GREB1L: variants seen among roughly 807,000 people sequenced by gnomAD.
GREB1L encodes GREB1-like protein.
In GREB1L, 17 loss-of-function variants were observed where a neutral mutation model predicts 200.8. That is an observed-to-expected ratio of 0.08 (90% CI 0.06 to 0.13). GREB1L has a LOEUF of 0.13. Ranked by LOEUF, GREB1L falls within the 10% of genes least tolerant of loss-of-function variation. The pLI is 1.00. For missense variants in GREB1L, 1,657 were observed against 2,367.7 expected (o/e 0.70, Z 6.23); for synonymous variants, 789 against 893.0 (o/e 0.88, Z 2.08).
At chr18:21,268,595 A>G (rs1241370664) in intron 1 of GREB1L, among the ~76,000 whole-genome samples, 1 of 118,090 alleles carries the variant, frequency 8.5e-6, no homozygotes, top group Admixed American at 8.7e-5. Flanking sequence ...ATATATATAC[A>G]TGTATATATA....
At chr18:21,312,566 A>T (rs1335987440) in intron 1 of GREB1L, among the ~76,000 whole-genome samples, 3 of 148,552 alleles carry the variant, frequency 2.0e-5, no homozygotes, top group Non-Finnish European at 3.0e-5. Flanking sequence ...TTATTTATTT[A>T]TTTTTTGAGA....
At chr18:21,291,712 C>A (rs896572004) in intron 1 of GREB1L, among the ~76,000 whole-genome samples, 1 of 152,152 alleles carries the variant, frequency 6.6e-6, no homozygotes, top group African/African-American at 2.4e-5. Context: ...CCCAAGACTT[C>A]CTTATAAGGT....
At chr18:21,480,219 C>A (rs1200051265) in intron 17 of GREB1L, among the ~76,000 whole-genome samples, 2 of 152,232 alleles carry the variant, frequency 1.3e-5, no homozygotes, top group Admixed American at 1.3e-4. Context: ...GGTGTGGTGG[C>A]AGGCACCTGT....
At chr18:21,519,892 A>G (rs1187344510) in intron 31 of GREB1L, among the ~76,000 whole-genome samples, 1 of 151,644 alleles carries the variant, frequency 6.6e-6, no homozygotes, top group African/African-American at 2.4e-5. Context: ...CAGAAGCCAG[A>G]TAGAACCAAA....
Position 21,523,783 on chromosome 18 carries a change from A to G in GREB1L, c.*962A>G, listed in dbSNP as rs2037641569. On this transcript the variant is annotated 3_prime_UTR_variant, in exon 33 of 33. Coordinates refer to ENST00000424526, the MANE Select transcript of GREB1L (RefSeq NM_001142966.3). The stretch of plus-strand genomic sequence containing the variant: ...AAGCTTCCTTTAAAAGATGCACTAA[A>G]TATTACCACCTTACACTGACAACGC... 2 of 152,214 alleles carry G rather than the reference A, an allele frequency of 1.3e-5. No homozygotes were observed. Among genetic ancestry groups the G allele is most frequent in the Admixed American group, 1.3e-4 (2 of 15,282 alleles). The allele number at this position is 152,214 out of a possible 1,614,324, so 9.4% of individuals were successfully genotyped here.
intron 1 of GREB1L, among the ~76,000 whole-genome samples, chr18:21,328,959 G>A (rs149073221): frequency 6.6e-6 from 1 of 152,244 alleles, no homozygotes; most frequent in African/African-American, 2.4e-5. Flanking sequence ...TTGAAATGTG[G>A]GGGAGCTGGG....
At position 21,441,025 on chromosome 18, in the gene GREB1L, A is replaced by G. The variant is rs138121419; in HGVS notation, c.1070-375A>G. ...TGCTTGTAGGTAGTACTGGTTAATG[A>G]TGAGTTCATCCTTCTTCACACTTTT... On this transcript the variant is annotated intron_variant, in intron 9 of 32. Transcript: ENST00000424526. Among the ~76,000 whole-genome samples the G allele has an allele frequency of 1.1e-4, 17 of 152,348 alleles. No homozygotes were observed. In the East Asian group the frequency reaches 3.3e-3, roughly 29 times the overall value.
At chr18:21,488,461 A>AT (rs2036209047) in intron 18 of GREB1L, among the ~76,000 whole-genome samples, 1 of 152,094 alleles carries the variant, frequency 6.6e-6, no homozygotes, top group Non-Finnish European at 1.5e-5. Context: ...CACTTGTTGT[A>AT]TTTTAAGTAG....
Position 21,522,942 on chromosome 18 carries a change from T to G in GREB1L, c.*121T>G, listed in dbSNP as rs1380606137. ...TGGAGCAAAGTGCAACATATTTGTC[T>G]AAATTCTCCAAAGAACTCCCCAAAT... is the stretch of plus-strand genomic sequence containing the variant. On this transcript the variant is annotated 3_prime_UTR_variant, in exon 33 of 33. Coordinates refer to ENST00000424526, the MANE Select transcript of GREB1L (RefSeq NM_001142966.3). The G allele has an allele frequency of 6.5e-6, 6 of 919,888 alleles. No homozygotes were observed. The highest frequency in any genetic ancestry group is 9.4e-6 in the Non-Finnish European group (6 of 636,054). 57.0% of individuals were successfully genotyped at this position (919,888 alleles called of 1,614,324 possible). A position where few individuals can be genotyped will look rare whatever the true frequency, so the allele number is the denominator to read the frequency against.
chr18:21,382,769 G>A (rs1413195465), intron 2 of GREB1L, among the ~76,000 whole-genome samples: 1 of 152,064 alleles, frequency 6.6e-6, no homozygotes, highest in Non-Finnish European at 1.5e-5. Context: ...TTACAGGCAT[G>A]AGCCACTATG....
At chr18:21,420,513 A>C (rs961674497) in intron 7 of GREB1L, among the ~76,000 whole-genome samples, 25 of 152,236 alleles carry the variant, frequency 1.6e-4, no homozygotes, top group Non-Finnish European at 5.9e-5. Flanking sequence ...GAGAAAAGTT[A>C]TATGGGTGGC....
chr18:21,459,279 C>CTTTTTTTTTTTTTTTTTTTTTTTTTA (rs746568414), intron 15 of GREB1L, among the ~76,000 whole-genome samples: 2 of 85,918 alleles, frequency 2.3e-5, no homozygotes, highest in Admixed American at 1.6e-4. Flanking sequence ...TTTTTCTTTA[C>CTTTTTTTTTTTTTTTTTTTTTTTTTA]TTTTTTTTTT....
chr18:21,401,122 T>TTAG (rs1240705911), intron 5 of GREB1L, 28 bp from the exon 6 acceptor site: 8 of 1,525,854 alleles, frequency 5.2e-6, no homozygotes, highest in African/African-American at 1.4e-5. Context: ...TACAAGGCCA[T>TTAG]TAGTAACATT....
intron 1 of GREB1L, among the ~76,000 whole-genome samples, chr18:21,341,062 A>G (rs937007549): frequency 5.9e-5 from 9 of 152,228 alleles, no homozygotes; most frequent in African/African-American, 2.2e-4. Flanking sequence ...ATGATTATGA[A>G]GTAGTGAAGC....
At chr18:21,273,032 G>A (rs1247896447) in intron 1 of GREB1L, among the ~76,000 whole-genome samples, 1 of 152,182 alleles carries the variant, frequency 6.6e-6, no homozygotes, top group Non-Finnish European at 1.5e-5. Flanking sequence ...TTTGAGACCA[G>A]CATGGCCAAC....
At chr18:21,318,885 A>C (rs1194899109) in intron 1 of GREB1L, among the ~76,000 whole-genome samples, 1 of 152,184 alleles carries the variant, frequency 6.6e-6, no homozygotes, top group African/African-American at 2.4e-5. Flanking sequence ...AGTCATCCTG[A>C]AACACTGGTG....
At chr18:21,348,732 A>G (rs893807476) in intron 1 of GREB1L, among the ~76,000 whole-genome samples, 6 of 151,976 alleles carry the variant, frequency 3.9e-5, no homozygotes, top group Admixed American at 3.9e-4. Flanking sequence ...CTGAGATCGC[A>G]CCATTGCACT....
At chr18:21,263,482 A>C (rs1337060111) in intron 1 of GREB1L, among the ~76,000 whole-genome samples, 1 of 152,190 alleles carries the variant, frequency 6.6e-6, no homozygotes, top group Non-Finnish European at 1.5e-5. Context: ...TCCAGAATTC[A>C]TATCTCCCTG....
intron 1 of GREB1L, among the ~76,000 whole-genome samples, chr18:21,282,559 AC>A (rs1226291857): frequency 1.3e-5 from 2 of 152,058 alleles, no homozygotes; most frequent in African/African-American, 2.4e-5. Context: ...GTTATTGTTG[AC>A]AGTTATTGGG....
Sources: allele counts gnomAD v4.1 joint callset (sites outside exome capture counted in the v4.1 genomes callset), GRCh38; gene constraint gnomAD v4.1.1; transcripts MANE v1.5; gene names NCBI Gene and HGNC (gene_info 2026-07-23, HGNC 2026-07-21).